ACTN2: variants seen among roughly 807,000 people sequenced by gnomAD.
ACTN2 encodes the protein alpha-actinin-2.
In ACTN2, 39 loss-of-function variants were observed where a neutral mutation model predicts 113.8. The observed-to-expected ratio is 0.34, with a 90% CI of 0.27 to 0.45. ACTN2 has a LOEUF of 0.45. ACTN2 is among the 20% of genes least tolerant of loss of function. The probability of loss-of-function intolerance (pLI) is 1.00; values close to 1 mark genes in which losing one functional copy is unlikely to be tolerated. For synonymous variants in ACTN2, 429 were observed against 444.1 expected (o/e 0.97, Z 0.43); for missense variants, 992 against 1,177.9 (o/e 0.84, Z 2.31).
intron 1 of ACTN2, among the ~76,000 whole-genome samples, chr1:236,715,279 G>A (rs1385185666): frequency 3.3e-5 from 5 of 149,332 alleles, no homozygotes; most frequent in South Asian, 2.1e-4. Flanking sequence ...TTAACATTAG[G>A]TATCTCTCCT....
intron 1 of ACTN2, among the ~76,000 whole-genome samples, chr1:236,715,261 C>T (rs973916629): frequency 6.0e-5 from 9 of 150,024 alleles, no homozygotes; most frequent in African/African-American, 1.7e-4. Context: ...CACCTATTAA[C>T]TCGTCATTTA....
intron 17 of ACTN2, 69 bp from the exon 18 acceptor site, chr1:236,757,417 G>A: frequency 6.3e-7 from 1 of 1,598,158 alleles, no homozygotes; most frequent in Non-Finnish European, 8.6e-7. Flanking sequence ...GTACTGTTAT[G>A]AAAGTAAAGA....
At chr1:236,695,563 T>TTCTCC (rs1553296741) in intron 1 of ACTN2, among the ~76,000 whole-genome samples, 1 of 100,794 alleles carries the variant, frequency 9.9e-6, no homozygotes. Flanking sequence ...TGAAATGAGT[T>TTCTCC]CCCCCCCCCT....
At chr1:236,702,949 CTTAAA>C (rs1339094830) in intron 1 of ACTN2, among the ~76,000 whole-genome samples, 2 of 152,156 alleles carry the variant, frequency 1.3e-5, no homozygotes, top group African/African-American at 2.4e-5. Flanking sequence ...GTATGGTGAA[CTTAAA>C]TTAAAGAATA....
chr1:236,752,442 G>A (rs926289324), intron 15 of ACTN2, among the ~76,000 whole-genome samples: 6 of 122,736 alleles, frequency 4.9e-5, no homozygotes, highest in African/African-American at 1.9e-4. Context: ...TTTAGCTCTG[G>A]TCTTCCTAAC....
rs74848052 is a variant in ACTN2 at position 236,721,017 on chromosome 1, T to G, written c.448+826T>G. 3.0e-4 allele frequency among the ~76,000 whole-genome samples: 18 copies of G among 59,402 alleles called. 4 individuals carry two copies. Among genetic ancestry groups the G allele is most frequent in the Non-Finnish European group, 6.4e-4 (16 of 24,956 alleles). The allele number at this position is 59,402 out of a possible 152,430, so 39.0% of individuals were successfully genotyped here. A position where few individuals can be genotyped will look rare whatever the true frequency, so the allele number is the denominator to read the frequency against. On this transcript the variant is annotated intron_variant, in intron 4 of 20. Coordinates refer to ENST00000366578, the MANE Select transcript of ACTN2 (RefSeq NM_001103.4). ...AGTAGCCTCTGACTCTGGTTTTTGT[T>G]TTTTGTTTTTTTTTTTTTTTTTTTT...
In ACTN2 at chr1:236,763,066, C is replaced by G. The variant is rs1051253; in HGVS notation, c.*447C>G. ...TATCTCTAATATGCTTATGTGATTG[C>G]CCCTAGGGGAGTATATTTGGGATTC... On this transcript the variant is annotated 3_prime_UTR_variant, in exon 21 of 21. Transcript: ENST00000366578. 0.58 allele frequency: 150,623 copies of G among 260,740 alleles called. 47,973 individuals are homozygous for G. The highest frequency in any genetic ancestry group is 0.7 in the Non-Finnish European group (94,070 of 133,844). The allele number at this position is 260,740 out of a possible 1,614,324, so 16.2% of individuals were successfully genotyped here.
chr1:236,760,231 A>G (rs1483805215), intron 19 of ACTN2, among the ~76,000 whole-genome samples: 7 of 151,838 alleles, frequency 4.6e-5, no homozygotes, highest in Admixed American at 4.6e-4. Context: ...AGATGACAAG[A>G]GTGAAACTCC....
intron 1 of ACTN2, among the ~76,000 whole-genome samples, chr1:236,715,642 G>A (rs914176143): frequency 4.6e-5 from 7 of 152,102 alleles, no homozygotes; most frequent in African/African-American, 1.7e-4. Context: ...CTACCACACT[G>A]ATTGGGTATA....
In ACTN2 at chr1:236,739,321, G is replaced by C. The variant is rs746677039; in HGVS notation, c.896G>C (p.Arg299Pro). The C allele has an allele frequency of 6.2e-7, 1 of 1,613,864 alleles. No individual in the cohort carries two copies. The highest frequency in any genetic ancestry group is 8.5e-7 in the Non-Finnish European group (1 of 1,179,990). The change falls in exon 10 of 21, where the codon CGC becomes CCC. Residue 299 changes from arginine (R) to proline (P), a missense_variant. Arg to Pro is a moderately radical substitution (Grantham distance 103). Coordinates refer to ENST00000366578, the MANE Select transcript of ACTN2 (RefSeq NM_001103.4). Reference protein sequence around the residue: ...LASELLEWIRRTIPWLENRTP... With the variant: ...LASELLEWIRPTIPWLENRTP... ...GAGCAGCTTTTGGAATGGATTCGTCGCACGATCCCCTGGCTGGAGAACCGG... is the reference window on the plus strand; with the variant it reads ...GAGCAGCTTTTGGAATGGATTCGTCCCACGATCCCCTGGCTGGAGAACCGG...
chr1:236,713,450 C>G (rs1224300424), intron 1 of ACTN2, among the ~76,000 whole-genome samples: 1 of 152,136 alleles, frequency 6.6e-6, no homozygotes, highest in Non-Finnish European at 1.5e-5. Flanking sequence ...TGGTCTTGCA[C>G]TCCTGATCTC....
intron 1 of ACTN2, among the ~76,000 whole-genome samples, chr1:236,717,493 T>G (rs1188227167): frequency 6.6e-6 from 1 of 151,620 alleles, no homozygotes; most frequent in Non-Finnish European, 1.5e-5. Flanking sequence ...CAAGCAAGCA[T>G]ATTTTGCATA....
At chr1:236,719,222 T>C (rs987221795) in intron 3 of ACTN2, among the ~76,000 whole-genome samples, 1 of 152,214 alleles carries the variant, frequency 6.6e-6, no homozygotes, top group African/African-American at 2.4e-5. Flanking sequence ...TTGTAAAGCA[T>C]AGAATTAAAT....
At chr1:236,722,345 T>C (rs1658420830) in intron 4 of ACTN2, among the ~76,000 whole-genome samples, 1 of 151,882 alleles carries the variant, frequency 6.6e-6, no homozygotes, top group South Asian at 2.1e-4. Context: ...AGAAAGAAAA[T>C]GAGAGATTAG....
intron 1 of ACTN2, among the ~76,000 whole-genome samples, chr1:236,706,452 G>A (rs1251720210): frequency 2.6e-5 from 4 of 152,090 alleles, no homozygotes; most frequent in Non-Finnish European, 5.9e-5. Context: ...TGGGGCCTCG[G>A]AAAATGCTTG....
chr1:236,738,918 T>G (rs1658974679), intron 9 of ACTN2, among the ~76,000 whole-genome samples: 2 of 152,238 alleles, frequency 1.3e-5, no homozygotes, highest in Admixed American at 1.3e-4. Context: ...TTTGCTGAAT[T>G]TATTACACTA....
In ACTN2 at chr1:236,720,118, C is replaced by T. The variant is rs781385336; in HGVS notation, c.375C>T (p.Gly125=). ...TCTTACCTGCAGAAATTGTTGATGG[C>T]AACGTGAAAATGACCCTGGGTATGA... is the stretch of plus-strand genomic sequence containing the variant. The part of the protein sequence containing the change: ...VSIGAEEIVD[G]NVKMTLGMIW... The change falls in exon 4 of 21, where the codon GGC becomes GGT. Residue 125 remains glycine, a synonymous_variant. Transcript: ENST00000366578. 3 of 1,610,544 alleles carry T rather than the reference C, an allele frequency of 1.9e-6. No individual in the cohort carries two copies. The highest frequency in any genetic ancestry group is 3.3e-5 in the Admixed American group (2 of 60,006).
chr1:236,741,635 G>T (rs116111094), intron 10 of ACTN2, among the ~76,000 whole-genome samples: 2,247 of 152,104 alleles, frequency 0.015, 18 homozygotes, highest in Middle Eastern at 0.044. Context: ...AGAATACATC[G>T]TAAGTAAATG....
At chr1:236,739,679 C>A (rs1247715754) in intron 10 of ACTN2, 147 bp downstream of exon 10, 1 of 988,084 alleles carries the variant, frequency 1.0e-6, no homozygotes, top group East Asian at 2.6e-5. Flanking sequence ...CCACTTTGTT[C>A]TTAATACTTT....
Sources: allele counts gnomAD v4.1 joint callset (sites outside exome capture counted in the v4.1 genomes callset), GRCh38; gene constraint gnomAD v4.1.1; transcripts MANE v1.5; gene names NCBI Gene and HGNC (gene_info 2026-07-23, HGNC 2026-07-21).